The following ANKRD11 variants were observed in gnomAD, a reference collection of about 807,000 sequenced individuals.
ANKRD11 encodes the protein ankyrin repeat domain 11, also known as ankyrin repeat domain-containing protein 11.
ANKRD11 carries 17 observed loss-of-function variants against 195.7 expected under a neutral mutation model. The ratio of observed to expected loss-of-function variants is 0.09; its 90% CI spans 0.06 to 0.13. The LOEUF (loss-of-function observed/expected upper bound fraction) is 0.13, where lower values mean the gene tolerates loss of function less well. Among genes scored for constraint, ANKRD11 ranks in the 10% least tolerant of loss-of-function variants. The pLI is 1.00. For missense variants in ANKRD11, 3,735 were observed against 3,566.1 expected, an observed-to-expected ratio of 1.05 and a Z score of -1.21; for synonymous variants, 1,953 against 1,528.1, an observed-to-expected ratio of 1.28 and a Z score of -6.49.
At chr16:89,483,353 A>G (rs561758641) in intron 1 of ANKRD11, among the ~76,000 whole-genome samples, 2 of 152,342 alleles carry the variant, frequency 1.3e-5, no homozygotes, top group South Asian at 4.1e-4. Flanking sequence ...AGTTTAGCAG[A>G]ATCAGATCTA....
intron 1 of ANKRD11, among the ~76,000 whole-genome samples, chr16:89,424,532 T>A (rs1166933101): frequency 6.6e-6 from 1 of 152,080 alleles, no homozygotes; most frequent in African/African-American, 2.4e-5. Context: ...CGGGTGAATG[T>A]GTGTTTCTCA....
intron 2 of ANKRD11, among the ~76,000 whole-genome samples, chr16:89,373,833 A>C (rs2040300585): frequency 6.6e-6 from 1 of 152,112 alleles, no homozygotes; most frequent in South Asian, 2.1e-4. Context: ...GATTGGTAGA[A>C]CCTTATTCTT....
chr16:89,297,893 G>C (rs2035551927), intron 4 of ANKRD11: 1 of 152,312 alleles, frequency 6.6e-6, no homozygotes, highest in African/African-American at 2.4e-5. Context: ...CTGCCGATGG[G>C]AGCTGGGTCA....
At chr16:89,320,057 A>T (rs1274515466) in intron 2 of ANKRD11, 1 of 152,340 alleles carries the variant, frequency 6.6e-6, no homozygotes, top group Non-Finnish European at 1.5e-5. Flanking sequence ...CAGGGGCTGC[A>T]CGGCACTCAG....
chr16:89,331,898 G>A (rs2038086529), intron 2 of ANKRD11, among the ~76,000 whole-genome samples: 2 of 152,200 alleles, frequency 1.3e-5, no homozygotes, highest in African/African-American at 2.4e-5. Flanking sequence ...GGCTGGGGTG[G>A]CTCCTGCACG....
intron 2 of ANKRD11, among the ~76,000 whole-genome samples, chr16:89,409,439 G>A (rs540346451): frequency 2.6e-5 from 4 of 152,308 alleles, no homozygotes; most frequent in African/African-American, 9.6e-5. Flanking sequence ...CCTGTGGGTC[G>A]TCTTGTGCAC....
chr16:89,448,154 C>CTGGGCACCTTGCAGACAG (rs2043891339), intron 1 of ANKRD11, among the ~76,000 whole-genome samples: 1 of 151,610 alleles, frequency 6.6e-6, no homozygotes, highest in African/African-American at 2.4e-5. Context: ...CTTGCAGACA[C>CTGGGCACCTTGCAGACAG]TGGGCACCTT....
At chr16:89,369,477 C>T (rs1159452755) in intron 2 of ANKRD11, among the ~76,000 whole-genome samples, 8 of 152,254 alleles carry the variant, frequency 5.3e-5, no homozygotes, top group African/African-American at 1.7e-4. Context: ...TGCGCCGCAA[C>T]AGCACAAAGC....
chr16:89,427,347 C>A (rs1320567696), intron 1 of ANKRD11, among the ~76,000 whole-genome samples: 3 of 152,192 alleles, frequency 2.0e-5, no homozygotes, highest in African/African-American at 7.2e-5. Flanking sequence ...CCCAGGGTGA[C>A]CTGATGATTC....
intron 3 of ANKRD11, among the ~76,000 whole-genome samples, chr16:89,309,410 C>T (rs946588538): frequency 2.0e-5 from 3 of 152,192 alleles, no homozygotes; most frequent in Non-Finnish European, 2.9e-5. Flanking sequence ...CCTAGCACTC[C>T]GGAATGTTGT....
rs114449952 is a variant in ANKRD11, at chr16:89,419,758, C to T, written c.-144-1390G>A. On this transcript the variant is annotated intron_variant, in intron 1 of 12. Coordinates refer to ENST00000301030, the MANE Select transcript of ANKRD11 (RefSeq NM_013275.6). The stretch of plus-strand genomic sequence containing the variant: ...TCCTGAGCAACACTCCTGGCACATG[C>T]GTTTTGCAAAGATGGAGTGAGGTTT... 3.9e-3 allele frequency among the ~76,000 whole-genome samples: 596 copies of T among 152,274 alleles called. 1 individual carries two copies. Among genetic ancestry groups the T allele is most frequent in the African/African-American group, 0.014 (570 of 41,540 alleles).
chr16:89,443,276 G>C (rs888728045), intron 1 of ANKRD11: 1 of 152,170 alleles, frequency 6.6e-6, no homozygotes, highest in African/African-American at 2.4e-5. Context: ...CAAATGTGAA[G>C]TATTTCAAAT....
chr16:89,295,140 C>T (rs1041470979), intron 4 of ANKRD11, among the ~76,000 whole-genome samples: 2 of 152,154 alleles, frequency 1.3e-5, no homozygotes, highest in African/African-American at 4.8e-5. Context: ...CCTCTGACCC[C>T]GGGGTGGGGG....
chr16:89,270,645 C>G, intron 12 of ANKRD11, 172 bp downstream of exon 12: 1 of 704,286 alleles, frequency 1.4e-6, no homozygotes. Flanking sequence ...GGGACAGGAC[C>G]TCACCTCCCC....
intron 2 of ANKRD11, among the ~76,000 whole-genome samples, chr16:89,327,320 C>A (rs752091806): frequency 6.6e-6 from 1 of 152,078 alleles, no homozygotes; most frequent in Non-Finnish European, 1.5e-5. Context: ...ATCCTCAACA[C>A]GATAAAGGCC....
intron 2 of ANKRD11, among the ~76,000 whole-genome samples, chr16:89,344,152 A>G (rs1444452273): frequency 1.3e-5 from 2 of 152,208 alleles, no homozygotes; most frequent in East Asian, 3.9e-4. Flanking sequence ...CTCTGGGAGG[A>G]GCACACACGG....
rs1333002650 is a variant in ANKRD11 at position 89,486,960 on chromosome 16, G to A, written c.-145+3285C>T. 3.4e-5 allele frequency among the ~76,000 whole-genome samples: 5 copies of A among 147,280 alleles called. No individual in the cohort carries two copies. In the Admixed American group the frequency reaches 3.5e-4, roughly 10 times the overall value. On this transcript the variant is annotated intron_variant, in intron 1 of 12. Transcript: ENST00000301030. ...GGAGGTGGAGGTTGCAGTGAGTCGA[G>A]ATCATGCCACTGCACTCCAGCCTGG...
intron 1 of ANKRD11, among the ~76,000 whole-genome samples, chr16:89,481,389 G>A (rs923003689): frequency 2.6e-5 from 4 of 152,200 alleles, no homozygotes; most frequent in South Asian, 2.1e-4. Context: ...GAAACATAGC[G>A]AAACCCCATT....
At chr16:89,466,303 C>T (rs560475353) in intron 1 of ANKRD11, among the ~76,000 whole-genome samples, 1 of 152,012 alleles carries the variant, frequency 6.6e-6, no homozygotes, top group East Asian at 1.9e-4. Context: ...ATAGGCAAAT[C>T]CAGAGAGATA....
Sources: gnomAD v4.1 joint callset for allele counts (sites outside exome capture counted in the v4.1 genomes callset) on GRCh38, gnomAD v4.1.1 for gene constraint, MANE v1.5 for transcripts, NCBI Gene and HGNC (gene_info 2026-07-23, HGNC 2026-07-21) for gene names.